The following MAPK10 variants were observed in gnomAD, a reference collection of about 807,000 sequenced individuals.
The protein encoded by MAPK10 is JNK3 alpha protein kinase.
Under a neutral mutation model 59.3 loss-of-function variants are expected in MAPK10, and 25 were observed. That is an observed-to-expected ratio of 0.42 (90% CI 0.31 to 0.59). MAPK10 has a LOEUF of 0.59. MAPK10 is among the 20% of genes least tolerant of loss of function. The probability of loss-of-function intolerance (pLI) is 0.15; values close to 1 mark genes in which losing one functional copy is unlikely to be tolerated. For missense variants in MAPK10, 351 were observed against 568.9 expected (o/e 0.62, Z 3.90); for synonymous variants, 190 against 200.5 (o/e 0.95, Z 0.44).
rs1320011720 is a variant in MAPK10 at position 86,186,181 on chromosome 4, TC to T, written c.66+8154del. On this transcript the variant is annotated intron_variant, in intron 3 of 13. Transcript: ENST00000641462. ...AGCCTAAAATATAGGTATTATTATT[TC>T]CTCCTTTTATAAATAAAGAAACTGA... Among the ~76,000 whole-genome samples the T allele has an allele frequency of 3.3e-5, 5 of 152,246 alleles. No individual in the cohort carries two copies. The East Asian group carries it at 9.6e-4, about 29-fold the overall frequency.
chr4:86,239,745 CTTT>C (rs2092580002), intron 2 of MAPK10, among the ~76,000 whole-genome samples: 1 of 147,842 alleles, frequency 6.8e-6, no homozygotes, highest in Non-Finnish European at 1.5e-5. Flanking sequence ...CTCTCTTCTT[CTTT>C]ATTAGTCTAG....
chr4:86,088,710 T>A (rs1253192418), intron 9 of MAPK10, among the ~76,000 whole-genome samples: 1 of 152,194 alleles, frequency 6.6e-6, no homozygotes, highest in East Asian at 1.9e-4. Flanking sequence ...TGATCAATTG[T>A]AAAATGAAAT....
At chr4:86,488,157 C>A (rs72665711) in intron 1 of MAPK10, among the ~76,000 whole-genome samples, 1 of 151,990 alleles carries the variant, frequency 6.6e-6, no homozygotes, top group Non-Finnish European at 1.5e-5. Flanking sequence ...CACCATTCCC[C>A]CACCTCCTCC....
intron 4 of MAPK10, among the ~76,000 whole-genome samples, chr4:86,145,510 T>A (rs1441130325): frequency 6.6e-6 from 1 of 152,198 alleles, no homozygotes; most frequent in Non-Finnish European, 1.5e-5. Flanking sequence ...AATTACTGCT[T>A]CTTTTCAAAG....
chr4:86,382,524 G>A (rs374501172), intron 1 of MAPK10, among the ~76,000 whole-genome samples: 3 of 152,134 alleles, frequency 2.0e-5, no homozygotes, highest in Non-Finnish European at 4.4e-5. Context: ...AAGCATTTGC[G>A]GATATGGGCT....
chr4:86,010,487 A>G lies in MAPK10; in HGVS notation c.*6741T>C, dbSNP rs1741350924. 1 of 152,206 alleles carries G rather than the reference A, an allele frequency of 6.6e-6. No homozygotes were observed. The highest frequency in any genetic ancestry group is 2.4e-5 in the African/African-American group (1 of 41,448). The allele number at this position is 152,206 out of a possible 1,614,324, so 9.4% of individuals were successfully genotyped here. A position where few individuals can be genotyped will look rare whatever the true frequency, so the allele number is the denominator to read the frequency against. On this transcript the variant is annotated 3_prime_UTR_variant, in exon 14 of 14. Transcript: ENST00000641462. ...TATATCTCCTACACCGAAGTGTCCA[A>G]GAAATGTTTTTGGAGTAAATTAATG... is the stretch of plus-strand genomic sequence containing the variant.
intron 2 of MAPK10, among the ~76,000 whole-genome samples, chr4:86,221,061 C>T (rs1194213947): frequency 6.6e-6 from 1 of 152,194 alleles, no homozygotes; most frequent in East Asian, 1.9e-4. Flanking sequence ...AGCTAGCCCA[C>T]AGTCTCCCGA....
intron 1 of MAPK10, among the ~76,000 whole-genome samples, chr4:86,436,354 T>TTTAC (rs1188939425): frequency 6.6e-6 from 1 of 152,182 alleles, no homozygotes; most frequent in Non-Finnish European, 1.5e-5. Context: ...AGAAAATTAC[T>TTTAC]AAAATAAGTT....
At chr4:86,387,564 A>T (rs1164653524) in intron 1 of MAPK10, among the ~76,000 whole-genome samples, 2 of 152,202 alleles carry the variant, frequency 1.3e-5, no homozygotes, top group Non-Finnish European at 2.9e-5. Flanking sequence ...GTCCCTGACC[A>T]CTTAACTCTT....
intron 3 of MAPK10, among the ~76,000 whole-genome samples, chr4:86,178,639 C>G (rs1191793694): frequency 6.6e-6 from 1 of 152,138 alleles, no homozygotes; most frequent in Non-Finnish European, 1.5e-5. Context: ...AGACAGCCCA[C>G]TCTTTCCACT....
intron 1 of MAPK10, among the ~76,000 whole-genome samples, chr4:86,528,771 C>T (rs1271093113): frequency 1.3e-5 from 2 of 152,168 alleles, no homozygotes; most frequent in Admixed American, 6.5e-5. Flanking sequence ...ACGGTAACCC[C>T]CCAAATATAT....
At chr4:86,455,770 A>C (rs1564897933), upstream of MAPK10, among the ~76,000 whole-genome samples, 2 of 152,182 alleles carry the variant, frequency 1.3e-5, no homozygotes, top group Admixed American at 6.5e-5. Flanking sequence ...GGCAACAAAG[A>C]AACAATGGAT....
intron 1 of MAPK10, among the ~76,000 whole-genome samples, chr4:86,551,576 T>C (rs998851613): frequency 4.0e-5 from 6 of 149,160 alleles, no homozygotes; most frequent in South Asian, 2.1e-4. Flanking sequence ...CTCTCTTTCT[T>C]TCTCTCTCTC....
At chr4:86,178,711 G>C (rs986976373) in intron 3 of MAPK10, among the ~76,000 whole-genome samples, 1 of 152,032 alleles carries the variant, frequency 6.6e-6, no homozygotes, top group African/African-American at 2.4e-5. Flanking sequence ...ATAAGTAAAG[G>C]GCATCCAAAG....
rs141315825 is a variant in MAPK10 at position 86,400,179 on chromosome 4, G to A, written c.-121-45535C>T. The stretch of plus-strand genomic sequence containing the variant: ...ACTGCATTAGAACTTTTAATGATAT[G>A]TCTTAGGGTTAGACAAGTTTCTGAC... On this transcript the variant is annotated intron_variant, in intron 1 of 13. Coordinates refer to the MAPK10 transcript ENST00000361569. Among the ~76,000 whole-genome samples, 622 of 152,192 alleles carry A rather than the reference G, an allele frequency of 4.1e-3. 6 individuals are homozygous for A. The highest frequency in any genetic ancestry group is 0.014 in the African/African-American group (594 of 41,544).
At position 86,254,830 on chromosome 4, in the gene MAPK10, C is replaced by G. The variant is rs115133010; in HGVS notation, c.-6-60423G>C. Among the ~76,000 whole-genome samples the G allele has an allele frequency of 5.5e-3, 834 of 151,840 alleles. 9 individuals carry two copies. Among genetic ancestry groups the G allele is most frequent in the African/African-American group, 0.019 (801 of 41,368 alleles). ...AGTCTAAGTCTCTTTGTAGGTCACT[C>G]AGGACTTAGAACATCTTTTTTTAAA... On this transcript the variant is annotated intron_variant, in intron 2 of 13. Coordinates refer to ENST00000641462, the MANE Select transcript of MAPK10 (RefSeq NM_138982.4).
At chr4:86,435,462 A>G (rs1249489607) in intron 1 of MAPK10, among the ~76,000 whole-genome samples, 1 of 152,016 alleles carries the variant, frequency 6.6e-6, no homozygotes, top group African/African-American at 2.4e-5. Flanking sequence ...ACACCATTGC[A>G]CTCCAGCCTG....
intron 1 of MAPK10, among the ~76,000 whole-genome samples, chr4:86,399,998 G>C (rs1321880283): frequency 3.3e-5 from 5 of 152,140 alleles, no homozygotes; most frequent in Non-Finnish European, 7.4e-5. Flanking sequence ...CCATTACCTT[G>C]AAAACATGAT....
chr4:86,573,681 A>G (rs1761637850), intron 1 of MAPK10, among the ~76,000 whole-genome samples: 1 of 152,218 alleles, frequency 6.6e-6, no homozygotes, highest in African/African-American at 2.4e-5. Context: ...AATGTGAGAT[A>G]AATTTACCCA....
Sources: allele counts gnomAD v4.1 joint callset (sites outside exome capture counted in the v4.1 genomes callset), GRCh38; gene constraint gnomAD v4.1.1; transcripts MANE v1.5; gene names NCBI Gene and HGNC (gene_info 2026-07-23, HGNC 2026-07-21).